Variants in LINGO2 observed in about 807,000 individuals in gnomAD.
LINGO2 encodes leucine-rich repeat and immunoglobulin-like domain-containing nogo receptor-interacting protein 2.
In LINGO2, 14 loss-of-function variants were observed where a neutral mutation model predicts 30.6. The observed-to-expected ratio is 0.46, with a 90% CI of 0.30 to 0.72. LINGO2 has a LOEUF of 0.72. LINGO2 is among the 30% of genes least tolerant of loss of function. The pLI is 0.07. For synonymous variants in LINGO2, 317 were observed against 288.5 expected (o/e 1.10, Z -1.00); for missense variants, 729 against 751.7 (o/e 0.97, Z 0.35).
chr9:28,106,833 T>C (rs72724980), intron 4 of LINGO2, among the ~76,000 whole-genome samples: 7,928 of 152,276 alleles, frequency 0.052, 254 homozygotes, highest in Middle Eastern at 0.14. Context: ...TTACATAAAA[T>C]AGCACAAATA....
chr9:28,023,437 T>C (rs1475188573), intron 4 of LINGO2, among the ~76,000 whole-genome samples: 1 of 152,198 alleles, frequency 6.6e-6, no homozygotes, highest in Non-Finnish European at 1.5e-5. Flanking sequence ...CTGGCAGTTC[T>C]TTCATCTGTA....
intron 4 of LINGO2, among the ~76,000 whole-genome samples, chr9:28,179,567 G>A (rs1195092409): frequency 1.2e-4 from 14 of 120,504 alleles, no homozygotes; most frequent in Middle Eastern, 5.7e-3. Context: ...TATAGAGTAT[G>A]TATACGATAT....
intron 5 of LINGO2, among the ~76,000 whole-genome samples, chr9:28,001,494 T>A (rs1156526104): frequency 6.6e-6 from 1 of 152,074 alleles, no homozygotes; most frequent in Non-Finnish European, 1.5e-5. Context: ...CCAGAAAGTG[T>A]GCAAAATATG....
chr9:27,956,155 G>C (rs950929800), intron 5 of LINGO2, among the ~76,000 whole-genome samples: 2 of 152,108 alleles, frequency 1.3e-5, no homozygotes, highest in Non-Finnish European at 2.9e-5. Context: ...TGGTCAGGCT[G>C]GTCTCGAACT....
chr9:29,059,329 T>C, the LINGO2 span, among the ~76,000 whole-genome samples: 1 of 151,466 alleles, frequency 6.6e-6, no homozygotes, highest in East Asian at 1.9e-4. Context: ...CAAAATAAAA[T>C]TATTATACAT....
At chr9:28,318,990 T>C (rs1187828463) in intron 3 of LINGO2, among the ~76,000 whole-genome samples, 1 of 152,184 alleles carries the variant, frequency 6.6e-6, no homozygotes, top group Non-Finnish European at 1.5e-5. Flanking sequence ...AGAAGGAGCC[T>C]TAGAATGTAG....
the LINGO2 span, among the ~76,000 whole-genome samples, chr9:29,007,099 T>C: frequency 3.3e-5 from 5 of 152,148 alleles, no homozygotes; most frequent in African/African-American, 1.2e-4. Flanking sequence ...ATTTTTGACA[T>C]GAAAACATTT....
At chr9:28,459,883 T>A (rs1369398738) in intron 2 of LINGO2, among the ~76,000 whole-genome samples, 1 of 152,126 alleles carries the variant, frequency 6.6e-6, no homozygotes, top group African/African-American at 2.4e-5. Flanking sequence ...CTTCTGAGAT[T>A]GTATTAGATA....
intron 4 of LINGO2, among the ~76,000 whole-genome samples, chr9:28,119,790 A>G (rs1827039590): frequency 6.6e-6 from 1 of 152,184 alleles, no homozygotes; most frequent in Non-Finnish European, 1.5e-5. Context: ...GTAAAATTTA[A>G]AACCAGTCAC....
At chr9:29,177,429 TAA>T in the LINGO2 span, among the ~76,000 whole-genome samples, 1 of 152,280 alleles carries the variant, frequency 6.6e-6, no homozygotes, top group Non-Finnish European at 1.5e-5. Flanking sequence ...TTACGGTAGT[TAA>T]TTAAACTTCA....
intron 1 of LINGO2, among the ~76,000 whole-genome samples, chr9:28,477,259 G>A (rs950683467): frequency 6.6e-6 from 1 of 152,076 alleles, no homozygotes; most frequent in Non-Finnish European, 1.5e-5. Flanking sequence ...ATCATGAACT[G>A]TTCTTAGTAT....
chr9:29,101,041 G>GT, the LINGO2 span, among the ~76,000 whole-genome samples: 1 of 152,192 alleles, frequency 6.6e-6, no homozygotes, highest in African/African-American at 2.4e-5. Flanking sequence ...TTTCCCCAGA[G>GT]TTTTTACCAT....
At chr9:28,422,981 T>A (rs1226158671) in intron 2 of LINGO2, among the ~76,000 whole-genome samples, 1 of 151,898 alleles carries the variant, frequency 6.6e-6, no homozygotes, top group Non-Finnish European at 1.5e-5. Flanking sequence ...ATAGTCAAAA[T>A]CATAGAGACA....
chr9:28,010,211 A>C (rs1367694359), intron 5 of LINGO2, among the ~76,000 whole-genome samples: 2 of 152,198 alleles, frequency 1.3e-5, no homozygotes, highest in Non-Finnish European at 2.9e-5. Flanking sequence ...TATTCTAAAA[A>C]CCACTGAATT....
At chr9:28,226,642 GGAAAGAAA>G (rs397959896) in intron 4 of LINGO2, among the ~76,000 whole-genome samples, 46 of 53,234 alleles carry the variant, frequency 8.6e-4, no homozygotes, top group South Asian at 2.5e-3. Flanking sequence ...AAGGAAAGAA[GGAAAGAAA>G]GAAAGAAAGA....
chr9:28,656,572 T>A (rs1828350026), intron 1 of LINGO2, among the ~76,000 whole-genome samples: 1 of 152,060 alleles, frequency 6.6e-6, no homozygotes, highest in Admixed American at 6.6e-5. Context: ...AATAACTGGC[T>A]TGCACTCTTC....
chr9:28,792,448 T>A, the LINGO2 span, among the ~76,000 whole-genome samples: 1 of 152,072 alleles, frequency 6.6e-6, no homozygotes, highest in Non-Finnish European at 1.5e-5. Context: ...CAAAAATATA[T>A]GATCATAAAC....
intron 1 of LINGO2, among the ~76,000 whole-genome samples, chr9:28,655,129 TAGTG>T (rs1183251490): frequency 3.3e-5 from 5 of 152,102 alleles, no homozygotes; most frequent in Admixed American, 3.3e-4. Flanking sequence ...ATTATCCTGA[TAGTG>T]AGTGAGTTTT....
chr9:28,645,913 A>C (rs988278225), intron 1 of LINGO2, among the ~76,000 whole-genome samples: 2 of 152,128 alleles, frequency 1.3e-5, no homozygotes, highest in Non-Finnish European at 2.9e-5. Flanking sequence ...CTAAACAGAC[A>C]TGAGTTGAAT....
Sources: gnomAD v4.1 joint callset for allele counts (sites outside exome capture counted in the v4.1 genomes callset) on GRCh38, gnomAD v4.1.1 for gene constraint, MANE v1.5 for transcripts, NCBI Gene and HGNC (gene_info 2026-07-23, HGNC 2026-07-21) for gene names.